Variants in RFX8 observed in about 807,000 individuals in gnomAD.
RFX8 encodes the protein regulatory factor X8.
In RFX8, 46 loss-of-function variants were observed where a neutral mutation model predicts 54.6. The observed-to-expected ratio is 0.84, with a 90% CI of 0.67 to 1.08. The LOEUF (loss-of-function observed/expected upper bound fraction) is 1.08. RFX8 is among the 50% of genes least tolerant of loss of function. The pLI, the probability that RFX8 is intolerant of heterozygous loss-of-function variation, is 0.00. For missense variants in RFX8, 536 were observed against 562.3 expected (o/e 0.95, Z 0.47); for synonymous variants, 192 against 209.5 (o/e 0.92, Z 0.72).
chr2:101,417,183 C>T (rs926189933), intron 6 of RFX8, among the ~76,000 whole-genome samples: 4 of 152,178 alleles, frequency 2.6e-5, no homozygotes, highest in East Asian at 3.9e-4. Flanking sequence ...GCTTCATCTA[C>T]GCTTACAGAA....
rs571799602 is a variant in RFX8, at chr2:101,452,967, T to C, written c.72+13810A>G. Among the ~76,000 whole-genome samples, 47 of 150,154 alleles carry C rather than the reference T, an allele frequency of 3.1e-4. 10 individuals are homozygous for C. The highest frequency in any genetic ancestry group is 8.6e-4 in the Admixed American group (13 of 15,038). On this transcript the variant is annotated intron_variant, in intron 2 of 11. Coordinates refer to ENST00000428343, the MANE Select transcript of RFX8 (RefSeq NM_001145664.2). ...TAAAAATACAAAAATTAGCTGGGCG[T>C]GGTAACATGTGCCTGTAGTCCCAGC...
chr2:101,442,149 T>C (rs7571802), intron 2 of RFX8, among the ~76,000 whole-genome samples: 115,126 of 152,126 alleles, frequency 0.76, 44,524 homozygotes, highest in Middle Eastern at 0.88. Context: ...GATGTTTCAC[T>C]ACTTTGAGTG....
intron 10 of RFX8, 130 bp downstream of exon 10, chr2:101,405,813 T>C: frequency 1.9e-6 from 1 of 524,230 alleles, no homozygotes; most frequent in Non-Finnish European, 3.3e-6. Flanking sequence ...TTGCTGTATC[T>C]ATGTTATATT....
At chr2:101,402,826 A>G in intron 10 of RFX8, 74 bp from the exon 11 acceptor site, 1 of 1,351,998 alleles carries the variant, frequency 7.4e-7, no homozygotes, top group Admixed American at 2.2e-5. Context: ...GAAACTAACA[A>G]CTTTTCTGGG....
intron 2 of RFX8, chr2:101,450,713 T>C (rs758150165): frequency 2.7e-6 from 3 of 1,095,184 alleles, no homozygotes; most frequent in Non-Finnish European, 4.0e-6. Context: ...TAAATTTATG[T>C]CTAACTACTG....
intron 2 of RFX8, among the ~76,000 whole-genome samples, chr2:101,454,486 T>C (rs566403169): frequency 1.3e-5 from 2 of 152,228 alleles, no homozygotes; most frequent in Non-Finnish European, 2.9e-5. Flanking sequence ...TCTTCCACAA[T>C]GGTTGAACTA....
In RFX8 at chr2:101,402,810, C is replaced by G. The variant is rs1018655999; in HGVS notation, c.929-58G>C. ...TTTGATCGACAGACAATAAACAAAT[C>G]ATTGTGAAACTAACAACTTTTCTGG... On this transcript the variant is annotated intron_variant, in intron 10 of 11. Transcript: ENST00000428343. 6.3e-6 allele frequency: 9 copies of G among 1,435,122 alleles called. No individual in the cohort carries two copies. The Admixed American group carries it at 2.0e-4, about 32-fold the overall frequency. The allele number at this position is 1,435,122 out of a possible 1,614,324, so 88.9% of individuals were successfully genotyped here. A position where few individuals can be genotyped will look rare whatever the true frequency, so the allele number is the denominator to read the frequency against.
intron 2 of RFX8, among the ~76,000 whole-genome samples, chr2:101,464,563 C>A (rs1375763335): frequency 6.6e-6 from 1 of 152,174 alleles, no homozygotes; most frequent in Admixed American, 6.5e-5. Flanking sequence ...CCTTCCCCTC[C>A]CTTCTCCATT....
At chr2:101,459,637 G>T (rs1246204319) in intron 2 of RFX8, among the ~76,000 whole-genome samples, 1 of 152,154 alleles carries the variant, frequency 6.6e-6, no homozygotes, top group African/African-American at 2.4e-5. Flanking sequence ...ACCATATGAG[G>T]TGTCTGTTGG....
intron 2 of RFX8, among the ~76,000 whole-genome samples, chr2:101,449,772 G>A (rs746469579): frequency 6.6e-6 from 1 of 152,090 alleles, no homozygotes; most frequent in Non-Finnish European, 1.5e-5. Flanking sequence ...AGACAAAAAA[G>A]GATGAGATGT....
intron 9 of RFX8, among the ~76,000 whole-genome samples, chr2:101,410,173 TCA>T (rs549826163): frequency 2.6e-5 from 4 of 151,452 alleles, no homozygotes; most frequent in African/African-American, 7.3e-5. Flanking sequence ...ACACACATGC[TCA>T]CACACACTGT....
rs1351167670 is a variant in RFX8, at chr2:101,412,910, AT to A, written c.718+4del. ...CAATAAAGCAAGCTGCAGAAGGAAG[AT>A]TACATTTCATCTCTGGGTTGTTCTC... On this transcript the variant is annotated splice_donor_region_variant and intron_variant, in intron 8 of 11. Coordinates refer to ENST00000428343, the MANE Select transcript of RFX8 (RefSeq NM_001145664.2). The A allele has an allele frequency of 2.6e-6, 4 of 1,547,152 alleles. No individual in the cohort carries two copies. The highest frequency in any genetic ancestry group is 4.9e-5 in the East Asian group (2 of 40,830).
chr2:101,404,328 A>G (rs1685606154), intron 10 of RFX8, among the ~76,000 whole-genome samples: 1 of 152,214 alleles, frequency 6.6e-6, no homozygotes, highest in African/African-American at 2.4e-5. Context: ...GAAAAATCAT[A>G]GTCCAAGTCC....
At chr2:101,473,614 C>T (rs1405644490) in intron 1 of RFX8, among the ~76,000 whole-genome samples, 1 of 152,100 alleles carries the variant, frequency 6.6e-6, no homozygotes, top group Non-Finnish European at 1.5e-5. Context: ...CAGTTATTCA[C>T]CTTGTAAAAC....
intron 7 of RFX8, 124 bp downstream of exon 7, chr2:101,414,730 A>C (rs1573376990): frequency 1.4e-6 from 1 of 695,692 alleles, no homozygotes; most frequent in Non-Finnish European, 2.4e-6. Flanking sequence ...AGGCAAGGCC[A>C]CCCTGCCTGC....
chr2:101,410,173 TCACA>T (rs549826163), intron 9 of RFX8, among the ~76,000 whole-genome samples: 7 of 151,570 alleles, frequency 4.6e-5, no homozygotes, highest in Middle Eastern at 3.4e-3. Context: ...ACACACATGC[TCACA>T]CACACTGTCA....
chr2:101,421,605 T>G, intron 4 of RFX8, 119 bp downstream of exon 4: 1 of 1,456,718 alleles, frequency 6.9e-7, no homozygotes, highest in East Asian at 2.5e-5. Context: ...TTCAGTGCAG[T>G]GGGTTACCAT....
chr2:101,411,394 A>G (rs1239159205), intron 8 of RFX8, among the ~76,000 whole-genome samples: 5 of 152,270 alleles, frequency 3.3e-5, no homozygotes, highest in East Asian at 3.9e-4. Context: ...GCAGTCTGCT[A>G]TCTCCCTGCA....
chr2:101,457,553 T>A (rs1023986181), intron 2 of RFX8, among the ~76,000 whole-genome samples: 1 of 152,238 alleles, frequency 6.6e-6, no homozygotes, highest in African/African-American at 2.4e-5. Flanking sequence ...TCTAATTTGA[T>A]TGCACTGTGG....
Sources: allele counts gnomAD v4.1 joint callset (sites outside exome capture counted in the v4.1 genomes callset), GRCh38; gene constraint gnomAD v4.1.1; transcripts MANE v1.5; gene names NCBI Gene and HGNC (gene_info 2026-07-23, HGNC 2026-07-21).